The following MEIS1 variants were observed in gnomAD, a reference collection of about 807,000 sequenced individuals.
The protein encoded by MEIS1 is homeobox protein Meis1.
A neutral mutation model predicts 50.8 loss-of-function variants in MEIS1; 5 were observed. That is an observed-to-expected ratio of 0.10 (90% CI 0.05 to 0.21). The LOEUF is 0.21. Among genes scored for constraint, MEIS1 ranks in the 10% least tolerant of loss-of-function variants. The probability of loss-of-function intolerance (pLI) is 1.00; values close to 1 mark genes in which losing one functional copy is unlikely to be tolerated. For missense variants in MEIS1, 318 were observed against 517.3 expected (o/e 0.61, Z 3.74); for synonymous variants, 176 against 179.3 (o/e 0.98, Z 0.15).
chr2:66,487,941 G>A (rs763047017), intron 7 of MEIS1, among the ~76,000 whole-genome samples: 84 of 152,182 alleles, frequency 5.5e-4, no homozygotes, highest in Admixed American at 1.9e-3. Context: ...AAGAAATTCT[G>A]AATCTAGGAC....
chr2:66,502,195 T>C (rs77870283), intron 7 of MEIS1, among the ~76,000 whole-genome samples: 1,583 of 152,268 alleles, frequency 0.01, 27 homozygotes, highest in African/African-American at 0.035. Context: ...TCACTGCAAT[T>C]CCTGTGGAAA....
At chr2:66,449,609 G>A (rs1672233951) in intron 6 of MEIS1, among the ~76,000 whole-genome samples, 1 of 152,028 alleles carries the variant, frequency 6.6e-6, no homozygotes, top group African/African-American at 2.4e-5. Flanking sequence ...TTGTAAATTG[G>A]ACATTTGAAT....
chr2:66,505,627 A>G (rs1673668440), intron 7 of MEIS1, among the ~76,000 whole-genome samples: 1 of 152,210 alleles, frequency 6.6e-6, no homozygotes, highest in South Asian at 2.1e-4. Flanking sequence ...AACCTGGGAA[A>G]TGTGCAAAGG....
chr2:66,453,422 G>T (rs555272579), intron 6 of MEIS1, among the ~76,000 whole-genome samples: 1 of 151,982 alleles, frequency 6.6e-6, no homozygotes, highest in South Asian at 2.1e-4. Flanking sequence ...CAGTTGCTTT[G>T]GCTGATCTCT....
At chr2:66,442,206 T>C (rs991878467) in intron 5 of MEIS1, among the ~76,000 whole-genome samples, 4 of 150,444 alleles carry the variant, frequency 2.7e-5, no homozygotes, top group Admixed American at 1.3e-4. Context: ...CAGTGATGCC[T>C]GGGACCTCTA....
At chr2:66,504,389 G>A (rs1382719461) in intron 7 of MEIS1, among the ~76,000 whole-genome samples, 1 of 151,946 alleles carries the variant, frequency 6.6e-6, no homozygotes, top group Non-Finnish European at 1.5e-5. Context: ...GTGCATCACT[G>A]CGCCTGGCCA....
At chr2:66,509,128 A>G (rs745334655) in intron 7 of MEIS1, 1 of 456,782 alleles carries the variant, frequency 2.2e-6, no homozygotes, top group South Asian at 1.6e-5. Flanking sequence ...CTAAAGGTAC[A>G]ATTGACCATT....
chr2:66,441,880 G>T, intron 5 of MEIS1: 1 of 177,598 alleles, frequency 5.6e-6, no homozygotes, highest in South Asian at 1.3e-4. Context: ...CTGGAAGACA[G>T]TCTTGAGAGC....
At chr2:66,542,718 T>C (rs1242741092) in intron 8 of MEIS1, among the ~76,000 whole-genome samples, 1 of 152,196 alleles carries the variant, frequency 6.6e-6, no homozygotes, top group East Asian at 1.9e-4. Context: ...TACAGGATTA[T>C]TTTCAAATTT....
At chr2:66,439,392 CG>C (rs1375183793) in intron 2 of MEIS1, 9 of 1,262,758 alleles carry the variant, frequency 7.1e-6, no homozygotes, top group Non-Finnish European at 8.9e-6. Flanking sequence ...CGAGATCCCC[CG>C]AGCCTGGGCT....
intron 6 of MEIS1, among the ~76,000 whole-genome samples, chr2:66,463,153 A>T (rs1672558430): frequency 6.6e-6 from 1 of 151,884 alleles, no homozygotes; most frequent in African/African-American, 2.4e-5. Context: ...CTATATAGTC[A>T]TGAAGCCTGA....
Position 66,444,072 on chromosome 2 carries a change from C to T in MEIS1, c.630+1024C>T, listed in dbSNP as rs182737117. On this transcript the variant is annotated intron_variant, in intron 6 of 12. Transcript: ENST00000272369. Reference sequence around the variant, plus strand: ...TGCAAAAATGCAATGAAAGTGAAAACGTGTAGAGTGAGTGAGATGAAACAG... The same window carrying T: ...TGCAAAAATGCAATGAAAGTGAAAATGTGTAGAGTGAGTGAGATGAAACAG... 7.9e-5 allele frequency among the ~76,000 whole-genome samples: 12 copies of T among 152,260 alleles called. No individual in the cohort carries two copies. The East Asian group carries it at 2.3e-3, about 29-fold the overall frequency.
At chr2:66,474,579 A>T (rs112532545) in intron 7 of MEIS1, among the ~76,000 whole-genome samples, 72 of 152,334 alleles carry the variant, frequency 4.7e-4, no homozygotes, top group African/African-American at 1.7e-3. Context: ...CAGGAAAAAA[A>T]AAATGTAGGC....
chr2:66,454,166 T>C (rs1028358507), intron 6 of MEIS1, among the ~76,000 whole-genome samples: 1 of 152,076 alleles, frequency 6.6e-6, no homozygotes, highest in Non-Finnish European at 1.5e-5. Flanking sequence ...TTTAGAGTAG[T>C]AAATCCCCAA....
intron 7 of MEIS1, among the ~76,000 whole-genome samples, chr2:66,490,201 A>C (rs1343491901): frequency 6.6e-6 from 1 of 152,240 alleles, no homozygotes; most frequent in African/African-American, 2.4e-5. Flanking sequence ...CACTGAGACC[A>C]CTTCACAGTG....
intron 7 of MEIS1, among the ~76,000 whole-genome samples, chr2:66,472,280 AATTTT>A (rs1179326425): frequency 2.6e-5 from 4 of 152,190 alleles, no homozygotes; most frequent in Non-Finnish European, 4.4e-5. Flanking sequence ...TGAGGAAGTT[AATTTT>A]AGGGAAGCAT....
intron 8 of MEIS1, among the ~76,000 whole-genome samples, chr2:66,546,144 G>A (rs145679354): frequency 6.6e-6 from 1 of 152,288 alleles, no homozygotes; most frequent in African/African-American, 2.4e-5. Flanking sequence ...AGTGATGCTT[G>A]CTATTAGGGA....
intron 9 of MEIS1, among the ~76,000 whole-genome samples, chr2:66,564,977 A>G (rs12614369): frequency 0.18 from 26,773 of 151,908 alleles, 2,494 homozygotes; most frequent in East Asian, 0.22. Context: ...ACCTTCTAAC[A>G]GCCTTGTTTA....
At chr2:66,459,124 A>G (rs1672462629) in intron 6 of MEIS1, among the ~76,000 whole-genome samples, 2 of 152,082 alleles carry the variant, frequency 1.3e-5, no homozygotes, top group Non-Finnish European at 2.9e-5. Context: ...CCAGGGGTTG[A>G]TGTGTATCAG....
Sources: allele counts gnomAD v4.1 joint callset (sites outside exome capture counted in the v4.1 genomes callset), GRCh38; gene constraint gnomAD v4.1.1; transcripts MANE v1.5; gene names NCBI Gene and HGNC (gene_info 2026-07-23, HGNC 2026-07-21).